TMEM163: variants seen among roughly 807,000 people sequenced by gnomAD.
TMEM163 encodes the protein transmembrane protein 163.
In TMEM163, 17 loss-of-function variants were observed where a neutral mutation model predicts 29.3. That is an observed-to-expected ratio of 0.58 (90% CI 0.40 to 0.87). The LOEUF (loss-of-function observed/expected upper bound fraction) is 0.87, where lower values mean the gene tolerates loss of function less well. Ranked by LOEUF, TMEM163 falls within the 40% of genes least tolerant of loss-of-function variation. TMEM163 has a pLI of 0.00. For synonymous variants in TMEM163, 157 were observed against 160.6 expected (o/e 0.98, Z 0.17); for missense variants, 303 against 381.5 (o/e 0.79, Z 1.71).
At chr2:134,602,367 C>A (rs1272670451) in intron 2 of TMEM163, among the ~76,000 whole-genome samples, 3 of 152,184 alleles carry the variant, frequency 2.0e-5, no homozygotes, top group African/African-American at 7.2e-5. Flanking sequence ...CCCCTTCCTA[C>A]AGCCACAGCA....
chr2:134,627,280 T>A (rs575845547), intron 2 of TMEM163, among the ~76,000 whole-genome samples: 25 of 152,178 alleles, frequency 1.6e-4, no homozygotes, highest in African/African-American at 6.0e-4. Flanking sequence ...CCCTTATATA[T>A]GTACTTTAGA....
intron 5 of TMEM163, among the ~76,000 whole-genome samples, chr2:134,473,553 A>G (rs1423530338): frequency 2.0e-5 from 3 of 151,798 alleles, no homozygotes; most frequent in Admixed American, 2.0e-4. Context: ...AAAAAAAGAA[A>G]AAGAAACCAA....
chr2:134,586,875 T>C (rs1227482309), intron 2 of TMEM163, among the ~76,000 whole-genome samples: 1 of 152,216 alleles, frequency 6.6e-6, no homozygotes, highest in African/African-American at 2.4e-5. Context: ...CCTATATTTG[T>C]TAATTCAATC....
Position 134,459,515 on chromosome 2 carries a change from C to G in TMEM163, c.668-1342G>C, listed in dbSNP as rs1489973370. 2.6e-5 allele frequency among the ~76,000 whole-genome samples: 4 copies of G among 152,238 alleles called. No homozygotes were observed. In the East Asian group the frequency reaches 7.7e-4, roughly 29 times the overall value. ...TTGGATTGCTCCTACTGGGATTAAC[C>G]CACCTTCCCATCCCCAGTGAACTCT... On this transcript the variant is annotated intron_variant, in intron 6 of 7. Transcript: ENST00000281924.
In TMEM163 at chr2:134,456,129, C is replaced by G. The variant is rs371242549; in HGVS notation, c.*587G>C. On this transcript the variant is annotated 3_prime_UTR_variant, in exon 8 of 8. Coordinates refer to ENST00000281924, the MANE Select transcript of TMEM163 (RefSeq NM_030923.5). ...TTAATTCGTCCATGCAAAGCTTATA[C>G]GTGTATCACTAAGTACTTTAAAAAA... 1 of 152,786 alleles carries G rather than the reference C, an allele frequency of 6.5e-6. No individual in the cohort carries two copies. The highest frequency in any genetic ancestry group is 1.5e-5 in the Non-Finnish European group (1 of 68,220). The allele number at this position is 152,786 out of a possible 1,614,324, so 9.5% of individuals were successfully genotyped here.
At chr2:134,698,882 G>A (rs1408277221) in intron 2 of TMEM163, among the ~76,000 whole-genome samples, 1 of 152,132 alleles carries the variant, frequency 6.6e-6, no homozygotes, top group Non-Finnish European at 1.5e-5. Context: ...TGCATATGAT[G>A]GAAGCAGTCA....
At chr2:134,591,401 G>A (rs1681931693) in intron 2 of TMEM163, among the ~76,000 whole-genome samples, 2 of 152,162 alleles carry the variant, frequency 1.3e-5, no homozygotes, top group African/African-American at 4.8e-5. Context: ...TCTTGGTTGG[G>A]TGAAATTTGG....
chr2:134,706,969 T>G (rs1342538337), intron 2 of TMEM163, among the ~76,000 whole-genome samples: 2 of 152,114 alleles, frequency 1.3e-5, no homozygotes, highest in African/African-American at 4.8e-5. Context: ...CGGAGCAAGG[T>G]TCCCAAACCG....
intron 2 of TMEM163, among the ~76,000 whole-genome samples, chr2:134,620,115 C>T (rs967269731): frequency 1.3e-5 from 2 of 152,240 alleles, no homozygotes; most frequent in Non-Finnish European, 2.9e-5. Context: ...TATTAAATCC[C>T]AGCAGGTTTA....
chr2:134,539,459 A>G (rs924313962), intron 4 of TMEM163, among the ~76,000 whole-genome samples: 2 of 152,244 alleles, frequency 1.3e-5, no homozygotes, highest in African/African-American at 4.8e-5. Flanking sequence ...TGATCACAGG[A>G]AAGCAATGCC....
At chr2:134,628,375 A>G (rs936094493) in intron 2 of TMEM163, among the ~76,000 whole-genome samples, 2 of 152,266 alleles carry the variant, frequency 1.3e-5, no homozygotes, top group African/African-American at 4.8e-5. Context: ...TTGGCCAGAG[A>G]CTAGGATATG....
intron 2 of TMEM163, among the ~76,000 whole-genome samples, chr2:134,559,513 C>A (rs1027082262): frequency 6.6e-6 from 1 of 152,192 alleles, no homozygotes. Context: ...CATTATTAGC[C>A]TTAGGTAGGC....
rs60689710 is a variant in TMEM163, at chr2:134,504,090, C to T, written c.459-1093G>A. Among the ~76,000 whole-genome samples, 1,265 of 152,256 alleles carry T rather than the reference C, an allele frequency of 8.3e-3. 12 individuals carry two copies. The highest frequency in any genetic ancestry group is 0.029 in the African/African-American group (1,202 of 41,536). On this transcript the variant is annotated intron_variant, in intron 4 of 7. Coordinates refer to ENST00000281924, the MANE Select transcript of TMEM163 (RefSeq NM_030923.5). ...AACAAAATCACGTTTTATTATCCAC[C>T]GTGGAGTCCCTTCTCTAGAGTAACA...
At chr2:134,707,293 C>T (rs191134963) in intron 2 of TMEM163, among the ~76,000 whole-genome samples, 6 of 152,280 alleles carry the variant, frequency 3.9e-5, no homozygotes, top group Admixed American at 3.9e-4. Context: ...CCACATCTGA[C>T]ATGAGGAGCG....
At chr2:134,579,027 AAAAG>A (rs1681629485) in intron 2 of TMEM163, among the ~76,000 whole-genome samples, 1 of 152,176 alleles carries the variant, frequency 6.6e-6, no homozygotes, top group Admixed American at 6.6e-5. Flanking sequence ...GAGAAACTTC[AAAAG>A]TGAAGTTTCC....
rs184115094 is a variant in TMEM163 at position 134,657,518 on chromosome 2, A to G, written c.322+55682T>C. On this transcript the variant is annotated intron_variant, in intron 2 of 7. Transcript: ENST00000281924. Reference sequence around the variant, plus strand: ...ACTTATGAACATAAAGATGGGAACAACAGGCTGGGCATGGTGGCGCATGCC... The same window carrying G: ...ACTTATGAACATAAAGATGGGAACAGCAGGCTGGGCATGGTGGCGCATGCC... Among the ~76,000 whole-genome samples, 274 of 151,442 alleles carry G rather than the reference A, an allele frequency of 1.8e-3. 2 individuals are homozygous for G. The highest frequency in any genetic ancestry group is 6.1e-3 in the African/African-American group (251 of 40,828).
intron 4 of TMEM163, among the ~76,000 whole-genome samples, chr2:134,548,887 A>G (rs1680846192): frequency 6.6e-6 from 1 of 152,146 alleles, no homozygotes; most frequent in South Asian, 2.1e-4. Context: ...GGAATTTTCT[A>G]CTTGTGACAT....
chr2:134,597,166 G>A (rs1682106349), intron 2 of TMEM163, among the ~76,000 whole-genome samples: 1 of 152,170 alleles, frequency 6.6e-6, no homozygotes, highest in South Asian at 2.1e-4. Context: ...TAGGAGTGGT[G>A]AGAGAGGGCA....
At chr2:134,484,611 G>GTATT (rs1558918637) in intron 5 of TMEM163, among the ~76,000 whole-genome samples, 2 of 152,334 alleles carry the variant, frequency 1.3e-5, no homozygotes, top group African/African-American at 4.8e-5. Flanking sequence ...ATATATCCAT[G>GTATT]TATTAGGAAG....
Sources: allele counts gnomAD v4.1 joint callset (sites outside exome capture counted in the v4.1 genomes callset), GRCh38; gene constraint gnomAD v4.1.1; transcripts MANE v1.5; gene names NCBI Gene and HGNC (gene_info 2026-07-23, HGNC 2026-07-21).